Variants in PPFIBP2 observed in about 807,000 individuals in gnomAD.
The protein encoded by PPFIBP2 is PPFIB scaffold protein 2.
In PPFIBP2, 118 loss-of-function variants were observed where a neutral mutation model predicts 118.3. The observed-to-expected ratio is 1.00, with a 90% CI of 0.86 to 1.16. The LOEUF is 1.16. PPFIBP2 is among the 50% of genes most tolerant of loss of function. The pLI is 0.00. For missense variants in PPFIBP2, 1,195 were observed against 1,073.1 expected, an observed-to-expected ratio of 1.11 and a Z score of -1.59; for synonymous variants, 414 against 397.4, an observed-to-expected ratio of 1.04 and a Z score of -0.50.
chr11:7,657,851 G>C (rs142168238), downstream of PPFIBP2, among the ~76,000 whole-genome samples: 3 of 152,268 alleles, frequency 2.0e-5, no homozygotes, highest in East Asian at 1.9e-4. Context: ...GTTTCTTGTC[G>C]TCTTACCATA....
chr11:7,603,566 TAA>T (rs1057083705), intron 5 of PPFIBP2, among the ~76,000 whole-genome samples: 9 of 152,224 alleles, frequency 5.9e-5, no homozygotes, highest in Non-Finnish European at 5.9e-5. Flanking sequence ...CATTGGTCGG[TAA>T]CACCCTGGGT....
At chr11:7,563,995 C>A (rs1854643333) in intron 2 of PPFIBP2, among the ~76,000 whole-genome samples, 1 of 152,070 alleles carries the variant, frequency 6.6e-6, no homozygotes, top group African/African-American at 2.4e-5. Flanking sequence ...GAAACCCCAT[C>A]TCTACTAAAA....
intron 4 of PPFIBP2, chr11:7,597,224 G>A: frequency 6.6e-7 from 1 of 1,512,960 alleles, no homozygotes; most frequent in Non-Finnish European, 8.8e-7. Flanking sequence ...GATGTGCCTT[G>A]AGGTCGGGGC....
chr11:7,651,409 C>T (rs1209461400), intron 22 of PPFIBP2: 1 of 449,186 alleles, frequency 2.2e-6, no homozygotes, highest in Non-Finnish European at 4.0e-6. Flanking sequence ...GAGACAGCCT[C>T]ACCAAAGAGG....
intron 21 of PPFIBP2, among the ~76,000 whole-genome samples, chr11:7,649,921 GA>G (rs1853723606): frequency 6.6e-6 from 1 of 152,190 alleles, no homozygotes; most frequent in African/African-American, 2.4e-5. Flanking sequence ...GAGATGAGGA[GA>G]TGGTGCAAAG....
chr11:7,588,683 G>A (rs181342266), intron 3 of PPFIBP2, among the ~76,000 whole-genome samples: 65 of 152,298 alleles, frequency 4.3e-4, no homozygotes, highest in Admixed American at 2.2e-3. Context: ...ATTTGCCTCC[G>A]CGAGGTCTGA....
chr11:7,582,221 C>G (rs1462709689), intron 3 of PPFIBP2, among the ~76,000 whole-genome samples: 2 of 152,140 alleles, frequency 1.3e-5, no homozygotes, highest in Admixed American at 6.5e-5. Context: ...AACTGACAAC[C>G]TCTGGTTACT....
intron 14 of PPFIBP2, among the ~76,000 whole-genome samples, chr11:7,637,000 T>C (rs1399032267): frequency 6.6e-6 from 1 of 152,224 alleles, no homozygotes; most frequent in Non-Finnish European, 1.5e-5. Context: ...ATCCTTTGTA[T>C]TCTTTTGCAG....
intron 1 of PPFIBP2, 116 bp downstream of exon 1, chr11:7,514,237 G>C (rs1039458548): frequency 6.6e-6 from 1 of 152,414 alleles, no homozygotes; most frequent in Admixed American, 6.5e-5. Flanking sequence ...GGGGACGTGT[G>C]GGTCAGTGTC....
intron 20 of PPFIBP2, 94 bp from the exon 21 acceptor site, chr11:7,649,438 G>A: frequency 6.6e-7 from 1 of 1,522,244 alleles, no homozygotes; most frequent in Non-Finnish European, 9.0e-7. Flanking sequence ...CCTGAGATGT[G>A]GTTGACTTGT....
chr11:7,573,773 T>C (rs953638603), intron 3 of PPFIBP2: 3 of 152,226 alleles, frequency 2.0e-5, no homozygotes, highest in Non-Finnish European at 1.5e-5. Flanking sequence ...ATCTGACTTA[T>C]GAGGATTTAT....
At chr11:7,578,140 G>A (rs1048681833) in intron 3 of PPFIBP2, among the ~76,000 whole-genome samples, 1 of 152,220 alleles carries the variant, frequency 6.6e-6, no homozygotes, top group African/African-American at 2.4e-5. Context: ...TGAATGCTCT[G>A]AAGCTGAGGG....
rs1391764608 is a variant in PPFIBP2 at position 7,620,932 on chromosome 11, T to G, written c.619-3T>G. The G allele has an allele frequency of 1.8e-5, 29 of 1,596,662 alleles. No homozygotes were observed. Among genetic ancestry groups the G allele is most frequent in the Non-Finnish European group, 2.5e-5 (29 of 1,164,224 alleles). On this transcript the variant is annotated splice_polypyrimidine_tract_variant and splice_region_variant and intron_variant, in intron 6 of 23. Coordinates refer to ENST00000299492, the MANE Select transcript of PPFIBP2 (RefSeq NM_003621.5). ...AACTTTGTCTTTCTCCCTCATCCCC[T>G]AGGAGTTACTGCAAGAGCTCAGGCA...
the PPFIBP2 span, among the ~76,000 whole-genome samples, chr11:7,663,690 C>T: frequency 6.6e-6 from 1 of 152,256 alleles, no homozygotes; most frequent in African/African-American, 2.4e-5. Context: ...TTCGAGCTTC[C>T]CGGCTGCTTT....
intron 5 of PPFIBP2, among the ~76,000 whole-genome samples, chr11:7,600,541 G>A (rs949448724): frequency 2.6e-5 from 4 of 152,216 alleles, no homozygotes; most frequent in African/African-American, 9.7e-5. Context: ...TGGCCTAGAG[G>A]CAGAGAATGG....
intron 6 of PPFIBP2, 96 bp from the exon 7 acceptor site, chr11:7,620,839 G>A (rs1305602173): frequency 3.6e-6 from 3 of 823,774 alleles, no homozygotes; most frequent in Non-Finnish European, 6.3e-6. Flanking sequence ...GCTTGATGTG[G>A]TTGCTGCACC....
rs763176598 is a variant in PPFIBP2 at position 7,616,967 on chromosome 11, G to C, written c.619-3968G>C. On this transcript the variant is annotated intron_variant, in intron 6 of 23. Coordinates refer to ENST00000299492, the MANE Select transcript of PPFIBP2 (RefSeq NM_003621.5). The surrounding 1 kb of genome is among the most constrained non-coding windows in gnomAD (Gnocchi z 5.2). The stretch of plus-strand genomic sequence containing the variant: ...ATGTCTTTTGGTTCTGTTGTGGAAA[G>C]TGGAGGGCCGTCGACAGTGACCACT... The C allele has an allele frequency of 4.3e-6, 1 of 230,258 alleles. No homozygotes were observed. Among genetic ancestry groups the C allele is most frequent in the Admixed American group, 6.5e-5 (1 of 15,374 alleles). 14.3% of individuals were successfully genotyped at this position (230,258 alleles called of 1,614,324 possible). A position where few individuals can be genotyped will look rare whatever the true frequency, so the allele number is the denominator to read the frequency against.
intron 3 of PPFIBP2, among the ~76,000 whole-genome samples, chr11:7,587,915 G>A (rs371457995): frequency 1.3e-5 from 2 of 152,100 alleles, no homozygotes; most frequent in East Asian, 3.9e-4. Flanking sequence ...ATTAAAGCAG[G>A]GTGCTGATTC....
At chr11:7,609,664 T>A (rs147745198) in intron 5 of PPFIBP2, among the ~76,000 whole-genome samples, 1 of 152,220 alleles carries the variant, frequency 6.6e-6, no homozygotes, top group Non-Finnish European at 1.5e-5. Context: ...TGGTCTGTCT[T>A]CACAATTGGG....
Sources: gnomAD v4.1 joint callset for allele counts (sites outside exome capture counted in the v4.1 genomes callset) on GRCh38, gnomAD v4.1.1 for gene constraint, Gnocchi (gnomAD v3.1) non-coding constraint, MANE v1.5 for transcripts, NCBI Gene and HGNC (gene_info 2026-07-23, HGNC 2026-07-21) for gene names.